Variants in CNTLN observed in about 807,000 individuals in gnomAD.
CNTLN encodes the protein centlein, also known as centlein, centrosomal protein.
In CNTLN, 212 loss-of-function variants were observed where a neutral mutation model predicts 180.0. The ratio of observed to expected loss-of-function variants is 1.18; its 90% CI spans 1.05 to 1.32. CNTLN has a LOEUF of 1.32. Ranked by LOEUF, CNTLN falls within the 40% of genes most tolerant of loss-of-function variation. The pLI, the probability that CNTLN is intolerant of heterozygous loss-of-function variation, is 0.00. For missense variants in CNTLN, 2,095 were observed against 1,610.9 expected (o/e 1.30, Z -5.14); for synonymous variants, 722 against 563.1 (o/e 1.28, Z -3.99).
intron 8 of CNTLN, among the ~76,000 whole-genome samples, chr9:17,329,946 G>A (rs1820536656): frequency 6.6e-6 from 1 of 151,926 alleles, no homozygotes; most frequent in Non-Finnish European, 1.5e-5. Context: ...CAGCGAATTT[G>A]CATGGGTTTT....
intron 13 of CNTLN, among the ~76,000 whole-genome samples, chr9:17,385,959 C>A (rs1470995577): frequency 6.6e-6 from 1 of 152,094 alleles, no homozygotes. Flanking sequence ...CACTATGATT[C>A]TCATTTTCTT....
chr9:17,298,920 C>G (rs950523002), intron 7 of CNTLN: 24 of 985,060 alleles, frequency 2.4e-5, no homozygotes, highest in Non-Finnish European at 2.8e-5. Flanking sequence ...ACTGACTCAG[C>G]AGCAATAATT....
Position 17,392,147 on chromosome 9 carries a change from G to A in CNTLN, c.2080-2387G>A, listed in dbSNP as rs570571533. ...CCAAGTGTGATGGTGCATGCCTCTG[G>A]TCCTAGCTCCTTGGGAGGCTAAGGT... On this transcript the variant is annotated intron_variant, in intron 14 of 25. Transcript: ENST00000380647. Among the ~76,000 whole-genome samples, 3 of 152,190 alleles carry A rather than the reference G, an allele frequency of 2.0e-5. No individual in the cohort carries two copies. The East Asian group carries it at 5.8e-4, about 29-fold the overall frequency.
At chr9:17,251,982 A>G (rs1826171873) in intron 5 of CNTLN, among the ~76,000 whole-genome samples, 1 of 151,866 alleles carries the variant, frequency 6.6e-6, no homozygotes, top group African/African-American at 2.4e-5. Context: ...GAGTAAAAAT[A>G]TGCAGTATTT....
intron 6 of CNTLN, among the ~76,000 whole-genome samples, chr9:17,286,579 C>G (rs1291596428): frequency 2.1e-5 from 3 of 140,380 alleles, no homozygotes; most frequent in South Asian, 2.5e-4. Context: ...GGCATTGAAT[C>G]TATAAATTAC....
intron 23 of CNTLN, among the ~76,000 whole-genome samples, chr9:17,480,922 C>A (rs541349529): frequency 6.6e-6 from 1 of 152,148 alleles, no homozygotes; most frequent in Non-Finnish European, 1.5e-5. Context: ...ACATAGGAAT[C>A]TTAAGCTATG....
intron 2 of CNTLN, among the ~76,000 whole-genome samples, chr9:17,222,674 A>G (rs1192075686): frequency 1.3e-5 from 2 of 152,042 alleles, no homozygotes; most frequent in East Asian, 1.9e-4. Context: ...GTATGTCTTT[A>G]TCAGCAGTGT....
rs80337831 is a variant in CNTLN, at chr9:17,469,014, C to T, written c.3855+2123C>T. 1.5e-3 allele frequency among the ~76,000 whole-genome samples: 230 copies of T among 151,720 alleles called. 6 individuals carry two copies. In the East Asian group the frequency reaches 0.042, roughly 28 times the overall value. On this transcript the variant is annotated intron_variant, in intron 23 of 25. Transcript: ENST00000380647. ...ATATGGACAGGCTGTCTTCGGTACT[C>T]TTTCAGAATTTTTACACTTTGTTTC...
At chr9:17,283,932 T>C (rs1303621281) in intron 6 of CNTLN, among the ~76,000 whole-genome samples, 1 of 152,198 alleles carries the variant, frequency 6.6e-6, no homozygotes, top group African/African-American at 2.4e-5. Flanking sequence ...GCCTTGCATC[T>C]TGGGAATGAA....
chr9:17,299,055 A>G, intron 7 of CNTLN: 2 of 408,196 alleles, frequency 4.9e-6, no homozygotes, highest in Non-Finnish European at 6.6e-6. Flanking sequence ...CATCCTGGCC[A>G]ACATGATGAA....
chr9:17,338,331 A>ATTTTTT (rs1238106698), intron 10 of CNTLN, among the ~76,000 whole-genome samples: 17 of 27,308 alleles, frequency 6.2e-4, no homozygotes, highest in African/African-American at 8.9e-4. Context: ...CTCCTGGCTA[A>ATTTTTT]TTTTTGTTTT....
chr9:17,522,079 C>G, the CNTLN span, among the ~76,000 whole-genome samples: 1 of 152,106 alleles, frequency 6.6e-6, no homozygotes, highest in Non-Finnish European at 1.5e-5. Context: ...GCATTTTCTG[C>G]TATACTTTGC....
intron 10 of CNTLN, among the ~76,000 whole-genome samples, chr9:17,337,602 CA>C (rs1821140058): frequency 2.6e-5 from 4 of 152,104 alleles, no homozygotes; most frequent in Non-Finnish European, 5.9e-5. Context: ...TCATGAATGA[CA>C]TATGGAGCTC....
intron 2 of CNTLN, among the ~76,000 whole-genome samples, chr9:17,218,528 C>T (rs1760950123): frequency 6.6e-6 from 1 of 151,960 alleles, no homozygotes; most frequent in South Asian, 2.1e-4. Flanking sequence ...TTGATGATGG[C>T]ATAACTTTGA....
chr9:17,291,218 A>C (rs1474698398), intron 6 of CNTLN, among the ~76,000 whole-genome samples: 1 of 152,198 alleles, frequency 6.6e-6, no homozygotes, highest in Non-Finnish European at 1.5e-5. Flanking sequence ...TTTACTCCCA[A>C]GTACGTGACT....
intron 2 of CNTLN, among the ~76,000 whole-genome samples, chr9:17,176,739 A>G (rs367804396): frequency 1.3e-5 from 2 of 152,186 alleles, no homozygotes; most frequent in Non-Finnish European, 2.9e-5. Context: ...GAGTTTCCAA[A>G]TTGCCAATTC....
At chr9:17,260,818 G>C (rs1471914773) in intron 5 of CNTLN, among the ~76,000 whole-genome samples, 1 of 151,244 alleles carries the variant, frequency 6.6e-6, no homozygotes, top group Non-Finnish European at 1.5e-5. Flanking sequence ...TTTAGCTTTT[G>C]TTTTCATATT....
At chr9:17,301,083 T>C (rs1818311219) in intron 7 of CNTLN, 26 of 985,266 alleles carry the variant, frequency 2.6e-5, no homozygotes, top group Non-Finnish European at 3.0e-5. Context: ...AAGAAAGCTC[T>C]CCTTGATGGT....
At position 17,415,394 on chromosome 9, in the gene CNTLN, A is replaced by G. The variant is rs1353179370; in HGVS notation, c.2797-394A>G. ...TTCACATTTTACTTTTGTTACGGTTACCATATTTACTCCTAAGTTTTTAAG... is the reference window on the plus strand; with the variant it reads ...TTCACATTTTACTTTTGTTACGGTTGCCATATTTACTCCTAAGTTTTTAAG... On this transcript the variant is annotated intron_variant, in intron 16 of 25. Coordinates refer to ENST00000380647, the MANE Select transcript of CNTLN (RefSeq NM_017738.4). Among the ~76,000 whole-genome samples the G allele has an allele frequency of 3.3e-5, 5 of 152,130 alleles. No individual in the cohort carries two copies. In the South Asian group the frequency reaches 8.3e-4, roughly 25 times the overall value.
Sources: gnomAD v4.1 joint callset for allele counts (sites outside exome capture counted in the v4.1 genomes callset) on GRCh38, gnomAD v4.1.1 for gene constraint, MANE v1.5 for transcripts, NCBI Gene and HGNC (gene_info 2026-07-23, HGNC 2026-07-21) for gene names.